Variants in TGM2 observed in about 807,000 individuals in gnomAD.
TGM2 encodes transglutaminase 2, also known as protein-glutamine gamma-glutamyltransferase 2.
In TGM2, 53 loss-of-function variants were observed where a neutral mutation model predicts 75.6. The ratio of observed to expected loss-of-function variants is 0.70; its 90% CI spans 0.56 to 0.88. TGM2 has a LOEUF of 0.88. TGM2 is among the 40% of genes least tolerant of loss of function. The pLI, the probability that TGM2 is intolerant of heterozygous loss-of-function variation, is 0.00. For missense variants in TGM2, 842 were observed against 928.5 expected (o/e 0.91, Z 1.21); for synonymous variants, 374 against 381.1 (o/e 0.98, Z 0.22).
chr20:38,161,432 T>C lies in TGM2; in HGVS notation c.178A>G (p.Ser60Gly), dbSNP rs370982887. 5.0e-6 allele frequency: 8 copies of C among 1,613,996 alleles called. No individual in the cohort carries two copies. Among genetic ancestry groups the C allele is most frequent in the Non-Finnish European group, 5.1e-6 (6 of 1,180,004 alleles). The change falls in exon 2 of 13, where the codon AGT (serine) becomes GGT (glycine). Residue 60 changes from serine to glycine, a missense_variant. Transcript: ENST00000361475. ...YEASVDSLTFSVVTGPAPSQE... is the reference protein window; with the variant it reads ...YEASVDSLTFGVVTGPAPSQE... ...TGCAGGTACTCACCGGTCACGACACTGAAGGTGAGACTGTCTACACTGGCC... is the reference window on the plus strand; with the variant it reads ...TGCAGGTACTCACCGGTCACGACACCGAAGGTGAGACTGTCTACACTGGCC...
rs915926204 is a variant in TGM2, at chr20:38,161,287, G to C, written c.190+133C>G. 6 of 1,232,698 alleles carry C rather than the reference G, an allele frequency of 4.9e-6. No homozygotes were observed. In the African/African-American group the frequency reaches 8.9e-5, roughly 18 times the overall value. 76.4% of individuals were successfully genotyped at this position (1,232,698 alleles called of 1,614,324 possible). A position where few individuals can be genotyped will look rare whatever the true frequency, so the allele number is the denominator to read the frequency against. On this transcript the variant is annotated intron_variant, in intron 2 of 12. Coordinates refer to ENST00000361475, the MANE Select transcript of TGM2 (RefSeq NM_004613.4). ...CATCTCTAAAATGGGGCTGATGACA[G>C]GTGGCAATCTCCCAGGGAACAAAGA...
At chr20:38,138,752 A>C (rs1277547550) in intron 9 of TGM2, among the ~76,000 whole-genome samples, 3 of 152,162 alleles carry the variant, frequency 2.0e-5, no homozygotes, top group African/African-American at 7.2e-5. Context: ...AATACAGTGC[A>C]ATCTTTCTTA....
Position 38,138,207 on chromosome 20 carries a change from G to A in TGM2, c.1521C>T (p.Leu507=). The A allele has an allele frequency of 6.2e-7, 1 of 1,610,198 alleles. No homozygotes were observed. The part of the protein sequence containing the change: ...NNTAEEYVCR[L]LLCARTVSYN... Reference sequence around the variant, plus strand: ...AGCTGACGGTGCGGGCACAGAGCAGGAGGCGGCAGACGTACTCCTCAGCGG... The same window carrying A: ...AGCTGACGGTGCGGGCACAGAGCAGAAGGCGGCAGACGTACTCCTCAGCGG... The change falls in exon 10 of 13, where the codon CTC becomes CTT. Residue 507 remains leucine, a synonymous_variant. Transcript: ENST00000361475.
At chr20:38,130,721 G>A (rs1009540007) in intron 12 of TGM2, among the ~76,000 whole-genome samples, 6 of 152,196 alleles carry the variant, frequency 3.9e-5, no homozygotes, top group African/African-American at 1.2e-4. Flanking sequence ...GTGTGTGCTC[G>A]TATGTATGTG....
chr20:38,146,472 GC>G (rs1199439710), intron 6 of TGM2: 2 of 585,214 alleles, frequency 3.4e-6, no homozygotes, highest in African/African-American at 3.8e-5. Flanking sequence ...GGGCTCCAGT[GC>G]CCAAGTTCTC....
chr20:38,137,058 G>A (rs549144432), intron 10 of TGM2, among the ~76,000 whole-genome samples: 1 of 152,268 alleles, frequency 6.6e-6, no homozygotes, highest in African/African-American at 2.4e-5. Flanking sequence ...ACTGGAGAGG[G>A]ACAATCAAGT....
In TGM2 at chr20:38,148,004, CGGGA is replaced by C; in HGVS notation, c.634_637del (p.Ser212AlafsTer12). ...GCCCACGTAGACGGGGCTGCTGCGG[CGGGA>C]GCAGTCACGGCCGGCGTTCTTCAGG... is the stretch of plus-strand genomic sequence containing the variant. On this transcript the variant is annotated frameshift_variant, in exon 5 of 13. Transcript: ENST00000361475. LOFTEE classifies it high-confidence loss of function. 6.2e-7 allele frequency: 1 copy of C among 1,608,082 alleles called. No homozygotes were observed. Among genetic ancestry groups the C allele is most frequent in the Non-Finnish European group, 8.5e-7 (1 of 1,176,980 alleles).
chr20:38,148,589 A>G (rs2075075282), intron 4 of TGM2, among the ~76,000 whole-genome samples: 1 of 152,166 alleles, frequency 6.6e-6, no homozygotes. Flanking sequence ...ATCCAGTCCC[A>G]TCACTCTTCT....
At chr20:38,165,396 G>A (rs1451418014), upstream of TGM2, 9 of 737,846 alleles carry the variant, frequency 1.2e-5, no homozygotes, top group East Asian at 2.5e-4. Flanking sequence ...CGCCAGCGCT[G>A]GGGCTCACCC....
At chr20:38,157,219 C>T (rs1202549472) in intron 2 of TGM2, among the ~76,000 whole-genome samples, 3 of 152,178 alleles carry the variant, frequency 2.0e-5, no homozygotes, top group Admixed American at 6.5e-5. Flanking sequence ...CCTCCCAGCC[C>T]CCAGCCCCCT....
chr20:38,149,665 C>T (rs1017555473), intron 4 of TGM2, among the ~76,000 whole-genome samples: 7 of 87,508 alleles, frequency 8.0e-5, no homozygotes, highest in South Asian at 7.7e-4. Flanking sequence ...GGCAACAGAG[C>T]GAGACTCCGC....
intron 2 of TGM2, among the ~76,000 whole-genome samples, chr20:38,157,772 G>C (rs1308353017): frequency 6.6e-6 from 1 of 152,230 alleles, no homozygotes; most frequent in Non-Finnish European, 1.5e-5. Flanking sequence ...GCTCTGTTTA[G>C]AGGGTTCCGT....
intron 11 of TGM2, among the ~76,000 whole-genome samples, chr20:38,131,970 T>C (rs1296742008): frequency 1.3e-5 from 2 of 151,740 alleles, no homozygotes; most frequent in Non-Finnish European, 2.9e-5. Context: ...GCTGCCCTGG[T>C]ACAAATTCAG....
chr20:38,155,778 G>A, intron 3 of TGM2, 69 bp downstream of exon 3: 1 of 1,535,380 alleles, frequency 6.5e-7, no homozygotes, highest in East Asian at 2.4e-5. Flanking sequence ...CTCACCTCCA[G>A]TAGCCTCCTC....
chr20:38,146,227 T>C (rs2075042888), intron 6 of TGM2: 1 of 161,860 alleles, frequency 6.2e-6, no homozygotes, highest in Non-Finnish European at 1.3e-5. Context: ...CTGATATTAC[T>C]GTTAGGATCC....
intron 6 of TGM2, chr20:38,146,422 T>C (rs977269618): frequency 2.0e-5 from 9 of 439,486 alleles, no homozygotes; most frequent in African/African-American, 1.0e-4. Flanking sequence ...AGGGAGGGGG[T>C]TTTTAACTCA....
rs2122842867 is a variant in TGM2, at chr20:38,131,077, A to G, written c.1913+16T>C. 1 of 1,611,062 alleles carries G rather than the reference A, an allele frequency of 6.2e-7. No individual in the cohort carries two copies. Among genetic ancestry groups the G allele is most frequent in the Non-Finnish European group, 8.5e-7 (1 of 1,179,858 alleles). ...CGCTTCCCCCAGGCCCCAAAGCTAG[A>G]GCAGCCAGCACTTACATCTCCACCG... On this transcript the variant is annotated intron_variant, in intron 12 of 12. Transcript: ENST00000361475.
At chr20:38,146,681 C>T (rs1225698973) in intron 6 of TGM2, 36 bp downstream of exon 6, 3 of 1,612,064 alleles carry the variant, frequency 1.9e-6, no homozygotes, top group African/African-American at 2.7e-5. Flanking sequence ...TGCCCCCTCC[C>T]AGGGCTCATG....
intron 10 of TGM2, among the ~76,000 whole-genome samples, chr20:38,137,788 A>G (rs1279674419): frequency 2.0e-5 from 3 of 152,206 alleles, no homozygotes; most frequent in African/African-American, 7.2e-5. Context: ...CAGGGGTCAC[A>G]CGAAGATGAG....
Sources: gnomAD v4.1 joint callset for allele counts (sites outside exome capture counted in the v4.1 genomes callset) on GRCh38, gnomAD v4.1.1 for gene constraint, MANE v1.5 for transcripts, NCBI Gene and HGNC (gene_info 2026-07-23, HGNC 2026-07-21) for gene names.